FASN: variants seen among roughly 807,000 people sequenced by gnomAD.
The protein encoded by FASN is 3-hydroxyacyl-[acyl-carrier-protein] dehydratase.
In FASN, 50 loss-of-function variants were observed where a neutral mutation model predicts 250.0. The observed-to-expected ratio is 0.20, with a 90% CI of 0.16 to 0.25. The LOEUF (loss-of-function observed/expected upper bound fraction) is 0.25. FASN is among the 10% of genes least tolerant of loss of function. The pLI, the probability that FASN is intolerant of heterozygous loss-of-function variation, is 1.00. For synonymous variants in FASN, 1,909 were observed against 1,584.0 expected (o/e 1.21, Z -4.87); for missense variants, 3,031 against 3,498.5 (o/e 0.87, Z 3.37).
chr17:82,079,488 A>C lies in FASN; in HGVS notation c.7267T>G (p.Phe2423Val), dbSNP rs2033949608. 2 of 1,612,750 alleles carry C rather than the reference A, an allele frequency of 1.2e-6. No homozygotes were observed. The highest frequency in any genetic ancestry group is 1.7e-6 in the Non-Finnish European group (2 of 1,179,976). The change falls in exon 42 of 43, where the codon TTC becomes GTC. Residue 2423 changes from phenylalanine to valine, a missense_variant. Transcript: ENST00000306749. ...RQELSFAARSFYYKLRAAEQY... is the reference protein window; with the variant it reads ...RQELSFAARSVYYKLRAAEQY... ...TCAGCGGCACGCAGCTTGTAGTAGA[A>C]GGACCGGGCCGCAAAGCTCAGCTCC...
At chr17:82,081,948 G>T in intron 36 of FASN, 61 bp downstream of exon 36, 1 of 1,324,022 alleles carries the variant, frequency 7.6e-7, no homozygotes. Context: ...AGGTGGGGGT[G>T]GGGAGTGGCC....
intron 3 of FASN, chr17:82,094,024 G>A (rs1468294964): frequency 1.7e-6 from 1 of 577,200 alleles, no homozygotes; most frequent in African/African-American, 1.9e-5. Context: ...AGGGAACGAG[G>A]CGGAGGGGGC....
At position 82,085,393 on chromosome 17, in the gene FASN, C is replaced by G. The variant is rs1437858535; in HGVS notation, c.4132G>C (p.Glu1378Gln). 6.2e-7 allele frequency: 1 copy of G among 1,610,596 alleles called. No homozygotes were observed. Among genetic ancestry groups the G allele is most frequent in the Non-Finnish European group, 8.5e-7 (1 of 1,179,172 alleles). ...AGCGACACCCTGGAGAAGAGGCTCT[C>G]CCACGCGTCCTGTGGGGGCGGTGGT... ...GQGILSQDAW[E>Q]SLFSRVSLRL... is the part of the protein sequence containing the mutation. Residue 1378 changes from glutamate (E) to glutamine (Q), a missense_variant, in exon 24 of 43, where the codon GAG (glutamate) becomes CAG (glutamine). Physicochemically the swap from Glu to Gln is conservative, Grantham distance 29. Coordinates refer to ENST00000306749, the MANE Select transcript of FASN (RefSeq NM_004104.5).
chr17:82,093,666 CCCA>C lies in FASN; in HGVS notation c.383_385del (p.Val128del). 1 of 1,612,802 alleles carries C rather than the reference CCCA, an allele frequency of 6.2e-7. No individual in the cohort carries two copies. The highest frequency in any genetic ancestry group is 8.5e-7 in the Non-Finnish European group (1 of 1,179,996). On this transcript the variant is annotated inframe_deletion, in exon 4 of 43. Transcript: ENST00000306749. ...TCGCTGGCAGCCCACCATGCTGTAG[CCCA>C]CGAGTGTCTCGGGGTCTCGGCTCAG... is the stretch of plus-strand genomic sequence containing the variant.
At position 82,086,274 on chromosome 17, in the gene FASN, G is replaced by T; in HGVS notation, c.3712C>A (p.Leu1238Met). ...CCCACCTCCACCACCTTCATCTTCA[G>T]GCTGGGCATGTTCTCCACGGCAGTG... is the stretch of plus-strand genomic sequence containing the variant. ...LDTAVENMPS[L>M]KMKVVEVLAG... Residue 1238 changes from leucine to methionine, a missense_variant, in exon 22 of 43, where the codon CTG (leucine) becomes ATG (methionine). Physicochemically the swap from Leu to Met is conservative, Grantham distance 15. Transcript: ENST00000306749. The T allele has an allele frequency of 6.3e-7, 1 of 1,578,428 alleles. No individual in the cohort carries two copies.
At chr17:82,095,107 G>A (rs781089673) in intron 3 of FASN, among the ~76,000 whole-genome samples, 29 of 152,214 alleles carry the variant, frequency 1.9e-4, no homozygotes, top group Non-Finnish European at 7.3e-5. Flanking sequence ...TCAGGTCAGG[G>A]CACACCCGCG....
At chr17:82,094,949 C>T (rs1335850893) in intron 3 of FASN, among the ~76,000 whole-genome samples, 2 of 139,056 alleles carry the variant, frequency 1.4e-5, no homozygotes, top group Non-Finnish European at 3.1e-5. Context: ...AGGGGAGAGA[C>T]AGCAGGGCCG....
In FASN at chr17:82,084,943, G is replaced by A. The variant is rs1220057320; in HGVS notation, c.4420C>T (p.Leu1474Phe). 9.0e-6 allele frequency: 14 copies of A among 1,557,742 alleles called. No homozygotes were observed. The highest frequency in any genetic ancestry group is 1.2e-5 in the Non-Finnish European group (14 of 1,151,000). Reference sequence around the variant, plus strand: ...TGGGAGGTGCTGCTGAGGTTGGAGAGCAGCACACACCTGGGGGCAGAGGCG... The same window carrying A: ...TGGGAGGTGCTGCTGAGGTTGGAGAACAGCACACACCTGGGGGCAGAGGCG... ...PGGNRLRCVL[L>F]SNLSSTSHVP... Residue 1474 changes from leucine (L) to phenylalanine (F), a missense_variant, in exon 26 of 43, where the codon CTC (leucine) becomes TTC (phenylalanine). Leu to Phe is a conservative substitution (Grantham distance 22, BLOSUM62 0). Transcript: ENST00000306749.
At position 82,084,254 on chromosome 17, in the gene FASN, G is replaced by A. The variant is rs62078742; in HGVS notation, c.4899C>T (p.Leu1633=). The A allele has an allele frequency of 2.5e-6, 4 of 1,612,158 alleles. No individual in the cohort carries two copies. Among genetic ancestry groups the A allele is most frequent in the Admixed American group, 1.7e-5 (1 of 59,952 alleles). ...CTCACCAGTTGGAAGGCACATCCCA[G>A]AGGAAGTCCGGTGACAGCAGGACAG... ...ATSVLLSPDF[L]WDVPSNWTLE... Residue 1633 remains leucine, a synonymous_variant, in exon 28 of 43, where the codon CTC becomes CTT. Coordinates refer to ENST00000306749, the MANE Select transcript of FASN (RefSeq NM_004104.5).
Position 82,087,777 on chromosome 17 carries a change from A to C in FASN, c.2951T>G (p.Phe984Cys), listed in dbSNP as rs780512363. 14 of 1,612,640 alleles carry C rather than the reference A, an allele frequency of 8.7e-6. No homozygotes were observed. The highest frequency in any genetic ancestry group is 1.2e-5 in the Non-Finnish European group (14 of 1,179,980). ...CTTGTAAACTTCAGCCTGGGCCAGG[A>C]AGAGGGGCTCCGTGGGGTTGGGGGT... is the stretch of plus-strand genomic sequence containing the variant. Reference protein sequence around the residue: ...SPTPNPTEPLFLAQAEVYKEL... With the variant: ...SPTPNPTEPLCLAQAEVYKEL... Residue 984 changes from phenylalanine (F) to cysteine (C), a missense_variant, in exon 19 of 43, where the codon TTC becomes TGC. By Grantham distance (205) the Phe-to-Cys change is radical. Transcript: ENST00000306749.
intron 41 of FASN, 171 bp from the exon 42 acceptor site, chr17:82,079,779 C>G: frequency 1.1e-6 from 1 of 920,474 alleles, no homozygotes; most frequent in Non-Finnish European, 1.6e-6. Flanking sequence ...CCGGTTCAAG[C>G]GATTCTCCTC....
chr17:82,079,402 A>T lies in FASN; in HGVS notation c.7353T>A (p.Gly2451=). 6.2e-7 allele frequency: 1 copy of T among 1,612,860 alleles called. No homozygotes were observed. Among genetic ancestry groups the T allele is most frequent in the Non-Finnish European group, 8.5e-7 (1 of 1,179,948 alleles). ...CGCCCAGGTCCTCGCCGTAGGCGCC[A>T]CCCGTCTTGGCGCGCAGTAGCATCA... ...GNVMLLRAKT[G]GAYGEDLGAD... is the part of the protein sequence containing the mutation. Residue 2451 remains glycine, a synonymous_variant, in exon 42 of 43, where the codon GGT becomes GGA. Transcript: ENST00000306749.
rs539488651 is a variant in FASN, at chr17:82,095,864, G to A, written c.128-392C>T. On this transcript the variant is annotated intron_variant, in intron 2 of 42. Coordinates refer to ENST00000306749, the MANE Select transcript of FASN (RefSeq NM_004104.5). ...TGTGGGGCAGTTGCTCCAGCCTCCC[G>A]GAGCACATCTGGTATGCAACCTCCC... Among the ~76,000 whole-genome samples, 19 of 152,330 alleles carry A rather than the reference G, an allele frequency of 1.2e-4. No individual in the cohort carries two copies. In the South Asian group the frequency reaches 2.7e-3, roughly 22 times the overall value.
chr17:82,087,587 C>T (rs1157942032), intron 19 of FASN, 83 bp from the exon 20 acceptor site: 3 of 1,600,738 alleles, frequency 1.9e-6, no homozygotes, highest in East Asian at 2.2e-5. Context: ...CCTCTGCTCC[C>T]TCCCAAGCTG....
Position 82,091,663 on chromosome 17 carries a change from C to T in FASN, c.1051G>A (p.Gly351Arg), listed in dbSNP as rs775308391. The change falls in exon 9 of 43, where the codon GGG becomes AGG. Residue 351 changes from glycine to arginine, a missense_variant. By Grantham distance (125) the Gly-to-Arg change is moderately radical (BLOSUM62 -2). Transcript: ENST00000306749. The part of the protein sequence containing the change: ...LAKVLLSLEH[G>R]LWAPNLHFHS... The stretch of plus-strand genomic sequence containing the variant: ...AAGTGCAGGTTGGGGGCCCAGAGCC[C>T]GTGCTCCAGGGACAGCAGCACCTGC... The T allele has an allele frequency of 1.4e-5, 22 of 1,589,732 alleles. No homozygotes were observed. Among genetic ancestry groups the T allele is most frequent in the South Asian group, 5.7e-5 (5 of 87,462 alleles).
At chr17:82,089,778 GCCAC>G in intron 11 of FASN, 52 bp from the exon 12 acceptor site, 12 of 1,472,080 alleles carry the variant, frequency 8.2e-6, no homozygotes, top group Non-Finnish European at 9.3e-6. Context: ...GCCGCTCCCA[GCCAC>G]CCACCCACCC....
chr17:82,089,247 C>T lies in FASN; in HGVS notation c.2100+3G>A, dbSNP rs1305488370. 1.2e-6 allele frequency: 2 copies of T among 1,612,498 alleles called. No homozygotes were observed. The highest frequency in any genetic ancestry group is 2.2e-5 in the South Asian group (2 of 91,058). ...CCGCACCCCCCAGGCCGTATTAGTC[C>T]ACCTTCTTGAGCTCCTGCAGCAGTG... is the stretch of plus-strand genomic sequence containing the variant. On this transcript the variant is annotated splice_donor_region_variant and intron_variant, in intron 13 of 42. Transcript: ENST00000306749.
Position 82,080,821 on chromosome 17 carries a change from G to C in FASN, c.6697C>G (p.Arg2233Gly). The change falls in exon 39 of 43, where the codon CGG becomes GGG. Residue 2233 changes from arginine to glycine, a missense_variant. By Grantham distance (125) the Arg-to-Gly change is moderately radical. Coordinates refer to ENST00000306749, the MANE Select transcript of FASN (RefSeq NM_004104.5). ...LVNPEGPTLM[R>G]LNSVQSSERP... ...TCCGAGCTCTGCACGGAGTTGAGCC[G>C]CATCAGGGTGGGGCCCTCCGGGTTC... The C allele has an allele frequency of 1.9e-6, 3 of 1,609,340 alleles. No individual in the cohort carries two copies. The highest frequency in any genetic ancestry group is 2.5e-6 in the Non-Finnish European group (3 of 1,178,758).
chr17:82,083,033 G>T lies in FASN; in HGVS notation c.5648C>A (p.Ala1883Asp), dbSNP rs746732861. The change falls in exon 33 of 43, where the codon GCC becomes GAC. Residue 1883 changes from alanine (A) to aspartate (D), a missense_variant. Physicochemically the swap from Ala to Asp is moderately radical, Grantham distance 126 (BLOSUM62 -2). Transcript: ENST00000306749. ...ACCAGCGATGATGTAGCTCTTGTGG[G>T]CCGGGCAGAAGGTCTTGGAGATGGC... The part of the protein sequence containing the change: ...MSAISKTFCP[A>D]HKSYIIAGGL... 6.2e-7 allele frequency: 1 copy of T among 1,612,708 alleles called. No homozygotes were observed. Among genetic ancestry groups the T allele is most frequent in the African/African-American group, 1.3e-5 (1 of 74,918 alleles).
Sources: gnomAD v4.1 joint callset for allele counts (sites outside exome capture counted in the v4.1 genomes callset) on GRCh38, gnomAD v4.1.1 for gene constraint, MANE v1.5 for transcripts, NCBI Gene and HGNC (gene_info 2026-07-23, HGNC 2026-07-21) for gene names.